Variants in TECTA observed in about 807,000 individuals in gnomAD.
The protein encoded by TECTA is alpha-tectorin.
TECTA carries 128 observed loss-of-function variants against 216.8 expected under a neutral mutation model. The ratio of observed to expected loss-of-function variants is 0.59; its 90% confidence interval spans 0.51 to 0.68. TECTA has a LOEUF of 0.68. Among genes scored for constraint, TECTA ranks in the 30% least tolerant of loss-of-function variants. The probability of loss-of-function intolerance (pLI) is 0.00; values close to 1 mark genes in which losing one functional copy is unlikely to be tolerated. For synonymous variants in TECTA, 1,089 were observed against 1,117.1 expected (o/e 0.97, Z 0.50); for missense variants, 2,551 against 2,786.2 (o/e 0.92, Z 1.90).
chr11:121,153,151 T>C, intron 13 of TECTA, 71 bp downstream of exon 13: 3 of 1,537,264 alleles, frequency 2.0e-6, no homozygotes, highest in Middle Eastern at 4.4e-4. Flanking sequence ...AAGAGGTTGG[T>C]CAGATTGACC....
intron 20 of TECTA, among the ~76,000 whole-genome samples, chr11:121,180,933 C>T (rs897054275): frequency 2.0e-5 from 3 of 151,262 alleles, no homozygotes; most frequent in Admixed American, 6.6e-5. Flanking sequence ...TTTAGGAGGC[C>T]GAAGCGGGTG....
intron 3 of TECTA, among the ~76,000 whole-genome samples, chr11:121,107,664 G>A (rs909741774): frequency 3.9e-5 from 6 of 152,162 alleles, no homozygotes; most frequent in South Asian, 4.1e-4. Flanking sequence ...TGCTGAAGCC[G>A]TGTCAGCCAC....
At chr11:121,107,198 A>C (rs1946398591) in intron 3 of TECTA, among the ~76,000 whole-genome samples, 1 of 152,148 alleles carries the variant, frequency 6.6e-6, no homozygotes. Context: ...TGTTGACCTG[A>C]TTTTGGCAAT....
rs1460379993 is a variant in TECTA, at chr11:121,109,264, A to G, written c.252A>G (p.Pro84=). The change falls in exon 4 of 24, where the codon CCA becomes CCG. Residue 84 remains proline, a synonymous_variant. Transcript: ENST00000392793. The stretch of plus-strand genomic sequence containing the variant: ...ATGTGCTAGTGAGCCAGTTCACGCC[A>G]GAATCCTTTCCCCTGACAGATGGGA... The part of the protein sequence containing the change: ...SFNVLVSQFT[P]ESFPLTDGRA... The G allele has an allele frequency of 1.2e-6, 2 of 1,614,090 alleles. No homozygotes were observed. Among genetic ancestry groups the G allele is most frequent in the Non-Finnish European group, 1.7e-6 (2 of 1,180,030 alleles).
At position 121,113,453 on chromosome 11, in the gene TECTA, T is replaced by C. The variant is rs2135059925; in HGVS notation, c.625-100T>C. ...AGTGACTCCAGGAAAAGACGGCTCT[T>C]GATTTTAGAGGTGCTGGATTTTAAA... On this transcript the variant is annotated intron_variant, in intron 5 of 23. Coordinates refer to ENST00000392793, the MANE Select transcript of TECTA (RefSeq NM_005422.4). The surrounding 1 kb of genome is among the most constrained non-coding windows in gnomAD (Gnocchi z 4.2). 1 of 1,552,028 alleles carries C rather than the reference T, an allele frequency of 6.4e-7. No homozygotes were observed. Among genetic ancestry groups the C allele is most frequent in the Non-Finnish European group, 8.9e-7 (1 of 1,125,864 alleles).
At chr11:121,184,829 T>G (rs926748877) in intron 20 of TECTA, among the ~76,000 whole-genome samples, 1 of 152,186 alleles carries the variant, frequency 6.6e-6, no homozygotes, top group African/African-American at 2.4e-5. Flanking sequence ...TTGATGTTTA[T>G]CCTCCTCAAA....
At chr11:121,108,633 G>T (rs1365559445) in intron 3 of TECTA, among the ~76,000 whole-genome samples, 1 of 135,234 alleles carries the variant, frequency 7.4e-6, no homozygotes, top group African/African-American at 2.9e-5. Flanking sequence ...CCCCACCCCA[G>T]AATACACACA....
intron 10 of TECTA, among the ~76,000 whole-genome samples, chr11:121,133,406 T>A (rs1056254410): frequency 6.6e-6 from 1 of 152,222 alleles, no homozygotes; most frequent in Non-Finnish European, 1.5e-5. Context: ...AACATCCATA[T>A]TCCAATTTTG....
intron 13 of TECTA, among the ~76,000 whole-genome samples, chr11:121,157,051 G>C (rs1442039969): frequency 2.0e-5 from 3 of 152,328 alleles, no homozygotes; most frequent in East Asian, 1.9e-4. Flanking sequence ...ATTGTGAAAT[G>C]TGAAATGGTT....
chr11:121,167,013 C>T (rs1591463629), intron 18 of TECTA, among the ~76,000 whole-genome samples: 1 of 152,348 alleles, frequency 6.6e-6, no homozygotes, highest in South Asian at 2.1e-4. Flanking sequence ...GGGATGCCTA[C>T]TGTGGTTCTT....
chr11:121,156,841 C>A (rs1159874015), intron 13 of TECTA, among the ~76,000 whole-genome samples: 1 of 152,074 alleles, frequency 6.6e-6, no homozygotes, highest in Non-Finnish European at 1.5e-5. Flanking sequence ...CAAAGTGACA[C>A]TGGGGAGGTG....
At chr11:121,172,718 T>G (rs1947124442) in intron 20 of TECTA, among the ~76,000 whole-genome samples, 1 of 152,128 alleles carries the variant, frequency 6.6e-6, no homozygotes, top group South Asian at 2.1e-4. Context: ...ATGGGATGGC[T>G]GGGTCAAATG....
At chr11:121,165,442 G>A (rs1947043434) in intron 17 of TECTA, 59 bp downstream of exon 17, 2 of 1,428,962 alleles carry the variant, frequency 1.4e-6, no homozygotes, top group Admixed American at 2.0e-5. Flanking sequence ...GCTGCTCTGG[G>A]GAACGACCTT....
intron 17 of TECTA, among the ~76,000 whole-genome samples, chr11:121,165,741 A>G (rs1216557049): frequency 1.3e-5 from 2 of 152,214 alleles, no homozygotes; most frequent in Admixed American, 6.5e-5. Flanking sequence ...ATTTGACCCA[A>G]AGTTTTTTGG....
chr11:121,163,136 A>G (rs970804187), intron 16 of TECTA, among the ~76,000 whole-genome samples: 3 of 152,162 alleles, frequency 2.0e-5, no homozygotes, highest in Non-Finnish European at 4.4e-5. Context: ...TACAGGTACC[A>G]CTGTGAAAAT....
At chr11:121,103,572 T>C (rs767152297) in intron 2 of TECTA, among the ~76,000 whole-genome samples, 3 of 152,098 alleles carry the variant, frequency 2.0e-5, no homozygotes, top group Non-Finnish European at 4.4e-5. Flanking sequence ...AAGTACATTT[T>C]ATTTGGTGGG....
At chr11:121,103,418 C>T (rs994578912) in intron 2 of TECTA, among the ~76,000 whole-genome samples, 11 of 152,126 alleles carry the variant, frequency 7.2e-5, no homozygotes, top group African/African-American at 2.4e-4. Flanking sequence ...CACATGAGTA[C>T]AAGTCTGAGA....
Position 121,146,009 on chromosome 11 carries a change from T to A in TECTA, c.3998T>A (p.Ile1333Asn). 1 of 1,614,166 alleles carries A rather than the reference T, an allele frequency of 6.2e-7. No homozygotes were observed. The highest frequency in any genetic ancestry group is 8.5e-7 in the Non-Finnish European group (1 of 1,180,038). Residue 1333 changes from isoleucine (I) to asparagine (N), a missense_variant, in exon 12 of 24, where the codon ATC becomes AAC. Transcript: ENST00000392793. ...AAGAACTGCCTGTTTGACTCTTGCA[T>A]CGATGGGGGCGCGGTGCAGACCGCC... ...FYKNCLFDSC[I>N]DGGAVQTACS...
chr11:121,160,993 C>A (rs916917106), intron 15 of TECTA, among the ~76,000 whole-genome samples: 1 of 152,208 alleles, frequency 6.6e-6, no homozygotes, highest in African/African-American at 2.4e-5. Context: ...TTTAGGGCCC[C>A]TCAGGGCTGC....
Sources: allele counts gnomAD v4.1 joint callset (sites outside exome capture counted in the v4.1 genomes callset), GRCh38; gene constraint gnomAD v4.1.1; non-coding constraint Gnocchi (gnomAD v3.1); transcripts MANE v1.5; gene names NCBI Gene and HGNC (gene_info 2026-07-23, HGNC 2026-07-21).